Variants in ILRUN observed in about 807,000 individuals in gnomAD.
The protein encoded by ILRUN is protein ILRUN.
In ILRUN, 3 loss-of-function variants were observed where a neutral mutation model predicts 33.8. The observed-to-expected ratio is 0.09, with a 90% CI of 0.04 to 0.23. The LOEUF is 0.23. ILRUN is among the 10% of genes least tolerant of loss of function. The pLI, the probability that ILRUN is intolerant of heterozygous loss-of-function variation, is 1.00. For missense variants in ILRUN, 210 were observed against 375.1 expected (o/e 0.56, Z 3.64); for synonymous variants, 124 against 138.9 (o/e 0.89, Z 0.75).
At chr6:34,614,379 G>A (rs922000373) in intron 3 of ILRUN, among the ~76,000 whole-genome samples, 18 of 148,684 alleles carry the variant, frequency 1.2e-4, no homozygotes, top group African/African-American at 4.0e-4. Flanking sequence ...CAGAGGCCAC[G>A]CCACTGCACT....
intron 1 of ILRUN, among the ~76,000 whole-genome samples, chr6:34,694,980 G>C (rs1042882554): frequency 2.0e-5 from 3 of 151,292 alleles, no homozygotes; most frequent in African/African-American, 7.3e-5. Flanking sequence ...GAACCTGGGA[G>C]GCAGAGGTTG....
chr6:34,674,091 G>A (rs1190867156), intron 1 of ILRUN, among the ~76,000 whole-genome samples: 1 of 152,094 alleles, frequency 6.6e-6, no homozygotes, highest in Non-Finnish European at 1.5e-5. Flanking sequence ...GCAGTGGTGC[G>A]ATCTTGACTC....
intron 1 of ILRUN, among the ~76,000 whole-genome samples, chr6:34,671,579 A>T (rs1430385431): frequency 1.3e-5 from 2 of 152,244 alleles, no homozygotes; most frequent in African/African-American, 2.4e-5. Flanking sequence ...ATGTTACATC[A>T]TATCCAAAAA....
chr6:34,632,374 G>A (rs1026433979), intron 3 of ILRUN, among the ~76,000 whole-genome samples: 1 of 152,014 alleles, frequency 6.6e-6, no homozygotes, highest in Non-Finnish European at 1.5e-5. Flanking sequence ...CTGGGAGGCG[G>A]AGGTTGCAGT....
chr6:34,691,436 T>C (rs929475485), intron 1 of ILRUN, among the ~76,000 whole-genome samples: 5 of 152,228 alleles, frequency 3.3e-5, no homozygotes, highest in African/African-American at 1.2e-4. Context: ...TCCAGCAGCA[T>C]GGCTGCCAGC....
chr6:34,685,794 T>A (rs1413609461), intron 1 of ILRUN, among the ~76,000 whole-genome samples: 1 of 152,120 alleles, frequency 6.6e-6, no homozygotes, highest in Non-Finnish European at 1.5e-5. Flanking sequence ...AAGTAAAGGA[T>A]ATATTTAATA....
chr6:34,647,144 G>A (rs1193845859), intron 2 of ILRUN, among the ~76,000 whole-genome samples: 1 of 152,148 alleles, frequency 6.6e-6, no homozygotes, highest in East Asian at 1.9e-4. Flanking sequence ...TGAAGCACAG[G>A]CCCACGTTTA....
chr6:34,695,995 A>G (rs974616903), intron 1 of ILRUN, among the ~76,000 whole-genome samples: 1 of 151,854 alleles, frequency 6.6e-6, no homozygotes, highest in Non-Finnish European at 1.5e-5. Context: ...CCTTCCCTAT[A>G]GTTTCCGCCC....
intron 1 of ILRUN, among the ~76,000 whole-genome samples, chr6:34,695,050 C>CA (rs60744554): frequency 0.75 from 83,315 of 110,792 alleles, 31,458 homozygotes; most frequent in Non-Finnish European, 0.83. Flanking sequence ...GACTCCGTCT[C>CA]AAAAAAAAAA....
intron 2 of ILRUN, among the ~76,000 whole-genome samples, chr6:34,647,542 G>T (rs1345044013): frequency 6.6e-6 from 1 of 152,020 alleles, no homozygotes; most frequent in Non-Finnish European, 1.5e-5. Context: ...CTGTCAAAGG[G>T]AGATAGATTT....
At chr6:34,606,295 C>G (rs566108558) in intron 4 of ILRUN, among the ~76,000 whole-genome samples, 1 of 152,260 alleles carries the variant, frequency 6.6e-6, no homozygotes, top group South Asian at 2.1e-4. Context: ...GAACTTCACT[C>G]TTTCAACACC....
At chr6:34,607,514 A>G (rs897597303) in intron 3 of ILRUN, among the ~76,000 whole-genome samples, 3 of 152,226 alleles carry the variant, frequency 2.0e-5, no homozygotes, top group African/African-American at 4.8e-5. Flanking sequence ...GGCATGCCTC[A>G]GACTTTCTAA....
In ILRUN at chr6:34,664,901, G is replaced by C. The variant is rs371097417; in HGVS notation, c.159-10122C>G. On this transcript the variant is annotated intron_variant, in intron 1 of 4. Coordinates refer to ENST00000374023, the MANE Select transcript of ILRUN (RefSeq NM_024294.4). ...CAAACAGGGAACTTACAATAAACCAGCAGCAGTCAAATGTATCTCATCCTG... is the reference window on the plus strand; with the variant it reads ...CAAACAGGGAACTTACAATAAACCACCAGCAGTCAAATGTATCTCATCCTG... Among the ~76,000 whole-genome samples, 21 of 152,312 alleles carry C rather than the reference G, an allele frequency of 1.4e-4. No homozygotes were observed. In the East Asian group the frequency reaches 2.3e-3, roughly 17 times the overall value.
At chr6:34,613,103 T>C (rs1479290389) in intron 3 of ILRUN, among the ~76,000 whole-genome samples, 1 of 151,552 alleles carries the variant, frequency 6.6e-6, no homozygotes, top group Non-Finnish European at 1.5e-5. Flanking sequence ...CTCAGCTACC[T>C]AGCATGCTGA....
rs189927731 is a variant in ILRUN at position 34,614,484 on chromosome 6, T to C, written c.512-7580A>G. 9.4e-3 allele frequency among the ~76,000 whole-genome samples: 1,328 copies of C among 141,574 alleles called. 35 individuals carry two copies. Among genetic ancestry groups the C allele is most frequent in the African/African-American group, 0.034 (1,258 of 37,374 alleles). 92.9% of individuals were successfully genotyped at this position (141,574 alleles called of 152,430 possible). ...ATGTATATTATATATTTTTTATATA[T>C]TATTATATATATTATATTTTATATA... On this transcript the variant is annotated intron_variant, in intron 3 of 4. Transcript: ENST00000374023.
At chr6:34,590,686 G>A in intron 4 of ILRUN, 86 bp from the exon 5 acceptor site, 1 of 1,017,290 alleles carries the variant, frequency 9.8e-7, no homozygotes, top group Non-Finnish European at 1.6e-6. Context: ...ATGGTTCCCA[G>A]TGAGTCACAA....
At chr6:34,673,386 T>G (rs990801180) in intron 1 of ILRUN, among the ~76,000 whole-genome samples, 2 of 152,030 alleles carry the variant, frequency 1.3e-5, no homozygotes, top group Non-Finnish European at 2.9e-5. Context: ...CATAACCTAC[T>G]ACTGAGAATA....
chr6:34,627,652 C>T (rs1762164703), intron 3 of ILRUN, among the ~76,000 whole-genome samples: 1 of 151,600 alleles, frequency 6.6e-6, no homozygotes. Flanking sequence ...TTTTTATATG[C>T]CATGCCATCT....
intron 1 of ILRUN, among the ~76,000 whole-genome samples, chr6:34,690,205 A>G (rs1174790863): frequency 6.6e-6 from 1 of 152,212 alleles, no homozygotes; most frequent in Non-Finnish European, 1.5e-5. Context: ...TCACACCTGT[A>G]ATCCCAGCAC....
Sources: gnomAD v4.1 joint callset for allele counts (sites outside exome capture counted in the v4.1 genomes callset) on GRCh38, gnomAD v4.1.1 for gene constraint, MANE v1.5 for transcripts, NCBI Gene and HGNC (gene_info 2026-07-23, HGNC 2026-07-21) for gene names.